The following UBE2H variants were observed in gnomAD, a reference collection of about 807,000 sequenced individuals.
UBE2H encodes the protein ubiquitin-conjugating enzyme E2 H.
In UBE2H, 3 loss-of-function variants were observed where a neutral mutation model predicts 29.0. That is an observed-to-expected ratio of 0.10 (90% CI 0.05 to 0.27). The LOEUF is 0.27. UBE2H is among the 10% of genes least tolerant of loss of function. The pLI is 1.00. For missense variants in UBE2H, 68 were observed against 228.2 expected, an observed-to-expected ratio of 0.30 and a Z score of 4.52; for synonymous variants, 69 against 82.9, an observed-to-expected ratio of 0.83 and a Z score of 0.91.
rs748532277 is a variant in UBE2H, at chr7:129,833,466, A to C, written c.*1471T>G. On this transcript the variant is annotated 3_prime_UTR_variant, in exon 7 of 7. Transcript: ENST00000355621. ...GAGCTGCTGTCTAAAATTTCTCCAA[A>C]CTCCCCTCCGAGTTCAGCAGGCAAC... 4 of 151,982 alleles carry C rather than the reference A, an allele frequency of 2.6e-5. No homozygotes were observed. The highest frequency in any genetic ancestry group is 6.6e-5 in the Admixed American group (1 of 15,236). 9.4% of individuals were successfully genotyped at this position (151,982 alleles called of 1,614,324 possible). A position where few individuals can be genotyped will look rare whatever the true frequency, so the allele number is the denominator to read the frequency against.
chr7:129,839,108 A>G (rs1805380963), intron 6 of UBE2H, 99 bp downstream of exon 6: 1 of 1,511,892 alleles, frequency 6.6e-7, no homozygotes, highest in African/African-American at 1.4e-5. Flanking sequence ...GCCTAAGAAA[A>G]AGTATTAGGA....
At chr7:129,870,907 G>A (rs1368800960) in intron 3 of UBE2H, among the ~76,000 whole-genome samples, 1 of 152,116 alleles carries the variant, frequency 6.6e-6, no homozygotes, top group Non-Finnish European at 1.5e-5. Flanking sequence ...TGGGGCCTTT[G>A]TACTCAAAAT....
At chr7:129,939,042 A>G (rs942434464) in intron 1 of UBE2H, among the ~76,000 whole-genome samples, 3 of 152,120 alleles carry the variant, frequency 2.0e-5, no homozygotes, top group Admixed American at 6.5e-5. Flanking sequence ...CAGGTGATCT[A>G]TCCGCCTTGG....
At chr7:129,841,061 T>G (rs1378816960) in intron 5 of UBE2H, among the ~76,000 whole-genome samples, 1 of 152,242 alleles carries the variant, frequency 6.6e-6, no homozygotes, top group East Asian at 1.9e-4. Flanking sequence ...AACAAAGGAT[T>G]ATCTAGACCA....
rs12535722 is a variant in UBE2H, at chr7:129,832,216, C to A, written c.*2721G>T. 2.0e-5 allele frequency: 3 copies of A among 152,108 alleles called. No individual in the cohort carries two copies. The highest frequency in any genetic ancestry group is 2.0e-4 in the Admixed American group (3 of 15,266). The allele number at this position is 152,108 out of a possible 1,614,324, so 9.4% of individuals were successfully genotyped here. ...GGCTCCTACTCCCACCTCTCCCAGG[C>A]GCAGGGAGAGGACAAAAAGCATAAG... is the stretch of plus-strand genomic sequence containing the variant. On this transcript the variant is annotated 3_prime_UTR_variant, in exon 7 of 7. Transcript: ENST00000355621.
intron 1 of UBE2H, among the ~76,000 whole-genome samples, chr7:129,909,859 A>G (rs958911814): frequency 6.6e-6 from 1 of 152,172 alleles, no homozygotes; most frequent in Non-Finnish European, 1.5e-5. Context: ...GCAGCTTGAA[A>G]GAGGTGGGAG....
chr7:129,914,559 T>C (rs1447233998), intron 1 of UBE2H, among the ~76,000 whole-genome samples: 1 of 152,172 alleles, frequency 6.6e-6, no homozygotes, highest in Admixed American at 6.5e-5. Context: ...ATTACAGTAA[T>C]GTACTCTAAG....
At chr7:129,949,137 C>CAACA in intron 1 of UBE2H, 1 of 406,450 alleles carries the variant, frequency 2.5e-6, no homozygotes, top group South Asian at 1.7e-5. Flanking sequence ...CAGGGCTGTG[C>CAACA]AACAGGGTGA....
intron 1 of UBE2H, among the ~76,000 whole-genome samples, chr7:129,947,428 T>C (rs1373395067): frequency 2.0e-5 from 3 of 152,272 alleles, no homozygotes; most frequent in Admixed American, 6.5e-5. Flanking sequence ...CAATTGACAC[T>C]AGAACTAGTT....
intron 1 of UBE2H, among the ~76,000 whole-genome samples, chr7:129,940,311 G>T (rs1354733742): frequency 6.6e-6 from 1 of 152,116 alleles, no homozygotes; most frequent in East Asian, 1.9e-4. Context: ...CCTAAAAATG[G>T]TTTAAAAGTT....
intron 1 of UBE2H, among the ~76,000 whole-genome samples, chr7:129,897,683 G>A (rs1197423656): frequency 2.0e-5 from 3 of 152,128 alleles, no homozygotes; most frequent in Non-Finnish European, 4.4e-5. Flanking sequence ...CAAAACAAAT[G>A]AATATGGCTT....
At chr7:129,949,094 C>G (rs1392107463) in intron 1 of UBE2H, 1 of 453,082 alleles carries the variant, frequency 2.2e-6, no homozygotes, top group Non-Finnish European at 4.4e-6. Context: ...TAGCCTTCAG[C>G]AGGGGCCACT....
intron 1 of UBE2H, among the ~76,000 whole-genome samples, chr7:129,898,220 C>T (rs1341758364): frequency 6.6e-6 from 1 of 152,138 alleles, no homozygotes; most frequent in African/African-American, 2.4e-5. Context: ...CTATTTTCAG[C>T]ATCATACTAC....
At chr7:129,920,270 T>C (rs183618402) in intron 1 of UBE2H, among the ~76,000 whole-genome samples, 102 of 152,294 alleles carry the variant, frequency 6.7e-4, no homozygotes, top group African/African-American at 2.4e-3. Flanking sequence ...ATTTTGGGTA[T>C]CAATGTAAAA....
intron 3 of UBE2H, among the ~76,000 whole-genome samples, chr7:129,864,562 T>TA (rs1805864015): frequency 6.8e-6 from 1 of 146,526 alleles, no homozygotes; most frequent in African/African-American, 2.5e-5. Context: ...CTTTCTTTTT[T>TA]TTTTTTTTTG....
At chr7:129,844,711 C>G (rs1805482885) in intron 5 of UBE2H, among the ~76,000 whole-genome samples, 1 of 152,188 alleles carries the variant, frequency 6.6e-6, no homozygotes, top group Admixed American at 6.5e-5. Context: ...TTACTTTTGC[C>G]TTAGACTCAA....
chr7:129,915,104 T>TC (rs1165713643), intron 1 of UBE2H, among the ~76,000 whole-genome samples: 1 of 152,096 alleles, frequency 6.6e-6, no homozygotes, highest in Non-Finnish European at 1.5e-5. Context: ...ACAATGTCTT[T>TC]CCCCGAGGCT....
At chr7:129,936,537 T>A (rs113592397) in intron 1 of UBE2H, among the ~76,000 whole-genome samples, 1 of 147,130 alleles carries the variant, frequency 6.8e-6, no homozygotes, top group Non-Finnish European at 1.5e-5. Flanking sequence ...GAGCTTGCAG[T>A]GAGCTGAGAT....
At chr7:129,926,030 T>A (rs902382109) in intron 1 of UBE2H, among the ~76,000 whole-genome samples, 1 of 133,898 alleles carries the variant, frequency 7.5e-6, no homozygotes, top group Admixed American at 7.3e-5. Flanking sequence ...CAAAACAAAT[T>A]ATAAGTATTT....
Sources: allele counts gnomAD v4.1 joint callset (sites outside exome capture counted in the v4.1 genomes callset), GRCh38; gene constraint gnomAD v4.1.1; transcripts MANE v1.5; gene names NCBI Gene and HGNC (gene_info 2026-07-23, HGNC 2026-07-21).